The following VEPH1 variants were observed in gnomAD, a reference collection of about 807,000 sequenced individuals.
VEPH1 encodes the protein ventricular zone expressed PH domain containing 1.
VEPH1 carries 80 observed loss-of-function variants against 85.2 expected under a neutral mutation model. That is an observed-to-expected ratio of 0.94 (90% confidence interval 0.78 to 1.13). The LOEUF (loss-of-function observed/expected upper bound fraction) is 1.13. VEPH1 is among the 50% of genes most tolerant of loss of function. The pLI is 0.00. For missense variants in VEPH1, 955 were observed against 980.5 expected (o/e 0.97, Z 0.35); for synonymous variants, 297 against 348.0 (o/e 0.85, Z 1.63).
intron 4 of VEPH1, among the ~76,000 whole-genome samples, chr3:157,435,261 G>A (rs1733470930): frequency 6.6e-6 from 1 of 152,248 alleles, no homozygotes; most frequent in Non-Finnish European, 1.5e-5. Flanking sequence ...GGGGAGAGGT[G>A]TCTAATCCTT....
At chr3:157,281,753 G>C (rs1018879042) in intron 12 of VEPH1, among the ~76,000 whole-genome samples, 3 of 152,096 alleles carry the variant, frequency 2.0e-5, no homozygotes, top group Admixed American at 2.0e-4. Context: ...GGCCAGGATG[G>C]TCTCGATTTC....
rs188423128 is a variant in VEPH1 at position 157,392,295 on chromosome 3, C to T, written c.907-10919G>A. On this transcript the variant is annotated intron_variant, in intron 6 of 13. Coordinates refer to ENST00000362010, the MANE Select transcript of VEPH1 (RefSeq NM_001167912.2). ...TCATGGCAGAAGGAGCAAGTCATGTCTTACATGGATGGCAGCAGGCAAAGA... is the reference window on the plus strand; with the variant it reads ...TCATGGCAGAAGGAGCAAGTCATGTTTTACATGGATGGCAGCAGGCAAAGA... Among the ~76,000 whole-genome samples the T allele has an allele frequency of 9.0e-4, 137 of 152,308 alleles. 1 individual carries two copies. Among genetic ancestry groups the T allele is most frequent in the African/African-American group, 3.1e-3 (128 of 41,572 alleles).
At position 157,265,564 on chromosome 3, in the gene VEPH1, G is replaced by C. The variant is rs769539165; in HGVS notation, c.2227C>G (p.Leu743Val). Reference protein sequence around the residue: ...IKRWKTRYFTLAGNQLLFQKG... With the variant: ...IKRWKTRYFTVAGNQLLFQKG... ...TGAAACAGAAGTTGATTTCCAGCCA[G>C]TGTAAAATAGCGTGTTTTCCACCTT... The change falls in exon 13 of 14, where the codon CTG becomes GTG. Residue 743 changes from leucine (L) to valine (V), a missense_variant. Physicochemically the swap from Leu to Val is conservative, Grantham distance 32 (BLOSUM62 1). Coordinates refer to ENST00000362010, the MANE Select transcript of VEPH1 (RefSeq NM_001167912.2). 2.5e-6 allele frequency: 4 copies of C among 1,613,230 alleles called. No individual in the cohort carries two copies. In the Admixed American group the frequency reaches 6.7e-5, roughly 27 times the overall value.
chr3:157,406,116 A>G (rs546129835), intron 6 of VEPH1, among the ~76,000 whole-genome samples: 21 of 152,282 alleles, frequency 1.4e-4, no homozygotes, highest in Non-Finnish European at 2.4e-4. Context: ...AGCTATTTTC[A>G]TTTTGGAAAA....
At chr3:157,272,375 T>TTTTC (rs758495924) in intron 12 of VEPH1, among the ~76,000 whole-genome samples, 13,041 of 94,590 alleles carry the variant, frequency 0.14, 1,220 homozygotes, top group Non-Finnish European at 0.16. Context: ...TTTCTCTTTC[T>TTTTC]TTTCTTTCTT....
At chr3:157,407,522 A>T (rs948512741) in intron 6 of VEPH1, among the ~76,000 whole-genome samples, 14 of 152,296 alleles carry the variant, frequency 9.2e-5, no homozygotes, top group African/African-American at 3.4e-4. Context: ...TATTTCCTAA[A>T]AAAGAAAAAT....
chr3:157,352,897 G>C (rs1445978808), intron 9 of VEPH1, among the ~76,000 whole-genome samples: 1 of 152,152 alleles, frequency 6.6e-6, no homozygotes, highest in Admixed American at 6.6e-5. Flanking sequence ...AGCTACATCA[G>C]GGTTGTTCTG....
intron 3 of VEPH1, among the ~76,000 whole-genome samples, chr3:157,464,540 A>G (rs1736180743): frequency 6.6e-6 from 1 of 152,186 alleles, no homozygotes; most frequent in Non-Finnish European, 1.5e-5. Flanking sequence ...GTGCTGAGGG[A>G]ACAAATTCAG....
chr3:157,478,774 C>T (rs1417884034), intron 2 of VEPH1, among the ~76,000 whole-genome samples: 2 of 152,170 alleles, frequency 1.3e-5, no homozygotes, highest in Admixed American at 1.3e-4. Context: ...TTGTTCATAA[C>T]TGCAGCGAAT....
chr3:157,362,814 G>A (rs1056437008), intron 9 of VEPH1, among the ~76,000 whole-genome samples: 8 of 152,138 alleles, frequency 5.3e-5, no homozygotes, highest in Admixed American at 2.6e-4. Context: ...CTTATAATGG[G>A]TTTTTGGGGA....
chr3:157,267,101 T>C (rs1353719072), intron 12 of VEPH1, among the ~76,000 whole-genome samples: 2 of 106,442 alleles, frequency 1.9e-5, no homozygotes, highest in Non-Finnish European at 3.7e-5. Context: ...TTCTTTTTTT[T>C]CTTTTTTTTT....
intron 2 of VEPH1, among the ~76,000 whole-genome samples, chr3:157,471,473 G>A (rs892359893): frequency 6.6e-6 from 1 of 152,114 alleles, no homozygotes; most frequent in Non-Finnish European, 1.5e-5. Context: ...AAGGTTTTAC[G>A]AATGTGAACT....
rs753081802 is a variant in VEPH1, at chr3:157,317,089, C to A, written c.1848G>T (p.Trp616Cys). ...GCTGAAATAGAAACATGATCTGGAT[C>A]CATGGCTGAGGTTCTTGGCTGATGA... ...FILISQEPQP[W>C]IQIMFLFQQS... The change falls in exon 10 of 14, where the codon TGG (tryptophan) becomes TGT (cysteine). Residue 616 changes from tryptophan to cysteine, a missense_variant. Transcript: ENST00000362010. The A allele has an allele frequency of 6.2e-7, 1 of 1,613,388 alleles. No homozygotes were observed. Among genetic ancestry groups the A allele is most frequent in the East Asian group, 2.2e-5 (1 of 44,788 alleles).
chr3:157,308,174 T>C (rs1719722537), intron 11 of VEPH1, among the ~76,000 whole-genome samples: 1 of 124,190 alleles, frequency 8.1e-6, no homozygotes, highest in Non-Finnish European at 1.9e-5. Context: ...CTCTATCTCT[T>C]TCTCTTTCTG....
At chr3:157,448,823 C>T (rs1398291359) in intron 4 of VEPH1, among the ~76,000 whole-genome samples, 1 of 152,270 alleles carries the variant, frequency 6.6e-6, no homozygotes, top group Non-Finnish European at 1.5e-5. Context: ...GTGTCCCCAC[C>T]CAAATCTCAT....
intron 4 of VEPH1, among the ~76,000 whole-genome samples, chr3:157,449,387 C>T (rs890096871): frequency 1.3e-5 from 2 of 152,132 alleles, no homozygotes; most frequent in African/African-American, 4.8e-5. Context: ...TTTATGCATG[C>T]TGTGATGTGG....
chr3:157,443,145 T>C lies in VEPH1; in HGVS notation c.530-14657A>G, dbSNP rs559209370. ...ACTGGCCAAATACTGAATAAACAGT[T>C]GAAGGAAAGACATTGGAAAAAGCTT... is the stretch of plus-strand genomic sequence containing the variant. On this transcript the variant is annotated intron_variant, in intron 4 of 13. Coordinates refer to ENST00000362010, the MANE Select transcript of VEPH1 (RefSeq NM_001167912.2). 7.6e-6 allele frequency: 6 copies of C among 786,542 alleles called. No individual in the cohort carries two copies. In the African/African-American group the frequency reaches 8.6e-5, roughly 11 times the overall value. The allele number at this position is 786,542 out of a possible 1,614,324, so 48.7% of individuals were successfully genotyped here.
At chr3:157,326,544 A>C (rs979726951) in intron 9 of VEPH1, among the ~76,000 whole-genome samples, 4 of 152,182 alleles carry the variant, frequency 2.6e-5, no homozygotes, top group African/African-American at 9.7e-5. Context: ...GAGGATATAC[A>C]TTGTAGGACC....
intron 9 of VEPH1, among the ~76,000 whole-genome samples, chr3:157,339,285 G>A (rs1723275129): frequency 6.6e-6 from 1 of 152,164 alleles, no homozygotes; most frequent in Non-Finnish European, 1.5e-5. Context: ...GCTTCTGCTT[G>A]TCTAGCATTT....
Sources: gnomAD v4.1 joint callset for allele counts (sites outside exome capture counted in the v4.1 genomes callset) on GRCh38, gnomAD v4.1.1 for gene constraint, MANE v1.5 for transcripts, NCBI Gene and HGNC (gene_info 2026-07-23, HGNC 2026-07-21) for gene names.